Variants in PCDHA10 observed in about 807,000 individuals in gnomAD.
PCDHA10 encodes the protein protocadherin alpha-10.
PCDHA10 carries 45 observed loss-of-function variants against 61.2 expected under a neutral mutation model. The ratio of observed to expected loss-of-function variants is 0.74; its 90% confidence interval spans 0.58 to 0.94. The LOEUF (loss-of-function observed/expected upper bound fraction) is 0.94, where lower values mean the gene tolerates loss of function less well. Ranked by LOEUF, PCDHA10 falls within the 40% of genes least tolerant of loss-of-function variation. The pLI is 0.00. For synonymous variants in PCDHA10, 602 were observed against 548.8 expected, an observed-to-expected ratio of 1.10 and a Z score of -1.35; for missense variants, 1,278 against 1,236.2, an observed-to-expected ratio of 1.03 and a Z score of -0.51.
At position 140,900,403 on chromosome 5, in the gene PCDHA10, A is replaced by G. The variant is rs569079456; in HGVS notation, c.2388+41967A>G. ...AGCGATTCTCCTGCCTCAGCCTCCC[A>G]AGTAGCTGGGATTATAGGCACGTGC... On this transcript the variant is annotated intron_variant, in intron 1 of 3. Coordinates refer to ENST00000307360, the MANE Select transcript of PCDHA10 (RefSeq NM_018901.4). 2.4e-3 allele frequency among the ~76,000 whole-genome samples: 360 copies of G among 152,066 alleles called. 1 individual carries two copies. Among genetic ancestry groups the G allele is most frequent in the African/African-American group, 8.1e-3 (336 of 41,500 alleles).
intron 1 of PCDHA10, among the ~76,000 whole-genome samples, chr5:140,903,060 T>C (rs1412957275): frequency 6.6e-6 from 1 of 152,316 alleles, no homozygotes; most frequent in East Asian, 1.9e-4. Flanking sequence ...TGACTTCTTT[T>C]CCTTTGGGTA....
intron 1 of PCDHA10, among the ~76,000 whole-genome samples, chr5:140,894,455 T>C (rs1316862860): frequency 6.6e-6 from 1 of 152,000 alleles, no homozygotes; most frequent in Non-Finnish European, 1.5e-5. Flanking sequence ...TTAAAAAATA[T>C]TTTACTTTTT....
At chr5:140,941,247 CT>C (rs1398354432) in intron 1 of PCDHA10, among the ~76,000 whole-genome samples, 1 of 128,506 alleles carries the variant, frequency 7.8e-6, no homozygotes, top group African/African-American at 2.9e-5. Context: ...TTCTTTCTTT[CT>C]TTCTTTCTCT....
chr5:140,986,000 A>G (rs549071976), intron 3 of PCDHA10, among the ~76,000 whole-genome samples: 1 of 151,922 alleles, frequency 6.6e-6, no homozygotes, highest in Non-Finnish European at 1.5e-5. Flanking sequence ...CAGCCTCCCA[A>G]AGTGCTGGGA....
intron 1 of PCDHA10, chr5:140,967,270 C>G (rs782562333): frequency 6.2e-7 from 1 of 1,613,488 alleles, no homozygotes; most frequent in Non-Finnish European, 8.5e-7. Context: ...CGCGCTTTCA[C>G]ATAGAGAGTG....
chr5:140,996,531 G>A (rs782175834), intron 3 of PCDHA10, among the ~76,000 whole-genome samples: 1 of 152,146 alleles, frequency 6.6e-6, no homozygotes, highest in African/African-American at 2.4e-5. Context: ...GGCCCTGTGT[G>A]TTTTGATATT....
At chr5:140,870,465 C>T (rs781918898) in intron 1 of PCDHA10, 1 of 1,614,208 alleles carries the variant, frequency 6.2e-7, no homozygotes, top group Non-Finnish European at 8.5e-7. Context: ...CGCCTGCGTT[C>T]GCACAGCCCG....
chr5:141,007,694 C>T (rs1466885866), intron 3 of PCDHA10, among the ~76,000 whole-genome samples: 1 of 152,186 alleles, frequency 6.6e-6, no homozygotes, highest in Non-Finnish European at 1.5e-5. Context: ...CTTCCACCTC[C>T]CTCCTCTGCC....
chr5:140,978,240 C>G (rs1290697340), intron 1 of PCDHA10, among the ~76,000 whole-genome samples: 1 of 152,174 alleles, frequency 6.6e-6, no homozygotes, highest in African/African-American at 2.4e-5. Flanking sequence ...TGGATTTCAG[C>G]TACTCCCTGT....
intron 1 of PCDHA10, among the ~76,000 whole-genome samples, chr5:140,978,464 C>T (rs1281042342): frequency 5.3e-5 from 8 of 152,226 alleles, no homozygotes; most frequent in Non-Finnish European, 2.9e-5. Flanking sequence ...CGCCCTGGGT[C>T]AAATATGCTG....
chr5:140,942,478 C>T (rs2093304158), intron 1 of PCDHA10, among the ~76,000 whole-genome samples: 1 of 151,408 alleles, frequency 6.6e-6, no homozygotes, highest in African/African-American at 2.4e-5. Flanking sequence ...ATTCAAGCTA[C>T]AACTGAAATA....
At chr5:140,928,760 T>G (rs782568767) in intron 1 of PCDHA10, 6 of 1,614,060 alleles carry the variant, frequency 3.7e-6, no homozygotes, top group Non-Finnish European at 5.1e-6. Flanking sequence ...ACTGCTCGCT[T>G]AGTTCTTCCC....
chr5:140,905,130 GT>G (rs1448449678), intron 1 of PCDHA10, among the ~76,000 whole-genome samples: 11 of 152,178 alleles, frequency 7.2e-5, no homozygotes, highest in African/African-American at 2.7e-4. Flanking sequence ...GTCTAGAAGA[GT>G]TTTTCTGCTG....
intron 1 of PCDHA10, chr5:140,883,199 G>A (rs782445481): frequency 6.2e-7 from 1 of 1,613,862 alleles, no homozygotes; most frequent in Non-Finnish European, 8.5e-7. Context: ...ACTAGATTTC[G>A]AAGAAAAGAA....
intron 2 of PCDHA10, among the ~76,000 whole-genome samples, chr5:140,982,016 A>C (rs2096962660): frequency 6.6e-6 from 1 of 152,260 alleles, no homozygotes; most frequent in African/African-American, 2.4e-5. Context: ...TTAGATAGCC[A>C]AATTGGAACA....
intron 1 of PCDHA10, among the ~76,000 whole-genome samples, chr5:140,952,559 G>A (rs1185999097): frequency 6.6e-6 from 1 of 152,108 alleles, no homozygotes; most frequent in Non-Finnish European, 1.5e-5. Flanking sequence ...TTCACTATCA[G>A]CACTTCGGTC....
chr5:140,992,226 G>A lies in PCDHA10; in HGVS notation c.2536+9663G>A, dbSNP rs926605843. On this transcript the variant is annotated intron_variant, in intron 3 of 3. Coordinates refer to ENST00000307360, the MANE Select transcript of PCDHA10 (RefSeq NM_018901.4). The stretch of plus-strand genomic sequence containing the variant: ...CAGATAAACTACTCTCCCTTCCTGG[G>A]AAGAGTAAGGAAGGAAGTAGAGCTA... Among the ~76,000 whole-genome samples the A allele has an allele frequency of 5.3e-5, 8 of 152,256 alleles. No individual in the cohort carries two copies. The East Asian group carries it at 1.5e-3, about 29-fold the overall frequency.
At position 140,980,991 on chromosome 5, in the gene PCDHA10, C is replaced by G. The variant is rs888673669; in HGVS notation, c.2448-1484C>G. Among the ~76,000 whole-genome samples the G allele has an allele frequency of 1.2e-4, 18 of 151,972 alleles. 1 individual carries two copies. Among genetic ancestry groups the G allele is most frequent in the Non-Finnish European group, 8.8e-5 (6 of 68,014 alleles). ...AATCTGACTGAGCCCACACAATTTG[C>G]TAGTAGGATCCAGGAACACTTGAAG... On this transcript the variant is annotated intron_variant, in intron 2 of 3. Transcript: ENST00000307360.
intron 1 of PCDHA10, among the ~76,000 whole-genome samples, chr5:140,955,262 C>T (rs1473601347): frequency 1.3e-5 from 2 of 152,044 alleles, no homozygotes; most frequent in African/African-American, 4.8e-5. Flanking sequence ...TATAAAGGCT[C>T]TTTTTTGGTT....
Sources: gnomAD v4.1 joint callset for allele counts (sites outside exome capture counted in the v4.1 genomes callset) on GRCh38, gnomAD v4.1.1 for gene constraint, MANE v1.5 for transcripts, NCBI Gene and HGNC (gene_info 2026-07-23, HGNC 2026-07-21) for gene names.